Variants in ABHD12B observed in about 807,000 individuals in gnomAD.
ABHD12B encodes the protein protein ABHD12B.
A neutral mutation model predicts 50.4 loss-of-function variants in ABHD12B; 42 were observed. That is an observed-to-expected ratio of 0.83 (90% CI 0.65 to 1.08). The LOEUF (loss-of-function observed/expected upper bound fraction) is 1.08. Ranked by LOEUF, ABHD12B falls within the 50% of genes least tolerant of loss-of-function variation. The pLI, the probability that ABHD12B is intolerant of heterozygous loss-of-function variation, is 0.00. For synonymous variants in ABHD12B, 167 were observed against 160.3 expected (o/e 1.04, Z -0.32); for missense variants, 479 against 447.7 (o/e 1.07, Z -0.63).
Position 50,872,268 on chromosome 14 carries a change from CGCAACCTGCGGTGA to C in ABHD12B, c.96_104+5del. ...GGCCGCCTGGTGGGACATGGTCGACCGCAACCTGCGGTGAGTACCGCCCGGTCCACCCCTGGCCG... is the reference window on the plus strand; with the variant it reads ...GGCCGCCTGGTGGGACATGGTCGACCGTACCGCCCGGTCCACCCCTGGCCG... On this transcript the variant is annotated splice_donor_variant and splice_donor_region_variant and coding_sequence_variant and intron_variant, in exon 1 of 13. Transcript: ENST00000337334. LOFTEE classifies it high-confidence loss of function. 1 of 1,370,124 alleles carries C rather than the reference CGCAACCTGCGGTGA, an allele frequency of 7.3e-7. No homozygotes were observed. Among genetic ancestry groups the C allele is most frequent in the Non-Finnish European group, 9.4e-7 (1 of 1,058,910 alleles). The allele number at this position is 1,370,124 out of a possible 1,614,324, so 84.9% of individuals were successfully genotyped here. A position where few individuals can be genotyped will look rare whatever the true frequency, so the allele number is the denominator to read the frequency against.
intron 2 of ABHD12B, 124 bp downstream of exon 2, chr14:50,878,203 G>A (rs1466493827): frequency 4.7e-6 from 4 of 849,060 alleles, no homozygotes; most frequent in South Asian, 4.2e-5. Flanking sequence ...GACTGAAATG[G>A]TCTGAAACTT....
In ABHD12B at chr14:50,878,856, A is replaced by T. The variant is rs1368381051; in HGVS notation, c.335+9A>T. ...GTGATGCTAGGGATCTGGTGAGTGC[A>T]CGGATGGGACACCGGGTTGCTTGAT... is the stretch of plus-strand genomic sequence containing the variant. On this transcript the variant is annotated intron_variant, in intron 3 of 12. Transcript: ENST00000337334. The T allele has an allele frequency of 6.2e-7, 1 of 1,610,576 alleles. No homozygotes were observed.
intron 2 of ABHD12B, 27 bp downstream of exon 2, chr14:50,878,106 C>G (rs868241660): frequency 1.3e-6 from 2 of 1,491,062 alleles, no homozygotes; most frequent in Middle Eastern, 1.8e-4. Context: ...CATAAATTTT[C>G]CTATATAATT....
At chr14:50,900,065 C>T (rs907090334) in intron 9 of ABHD12B, among the ~76,000 whole-genome samples, 1 of 151,780 alleles carries the variant, frequency 6.6e-6, no homozygotes, top group African/African-American at 2.4e-5. Flanking sequence ...ATGGTGAAAC[C>T]CCTTCTGTAC....
intron 9 of ABHD12B, among the ~76,000 whole-genome samples, chr14:50,894,912 A>G (rs1202582742): frequency 6.7e-6 from 1 of 148,368 alleles, no homozygotes; most frequent in Non-Finnish European, 1.5e-5. Context: ...CCACCCTATA[A>G]TCTTTTTATC....
At chr14:50,890,565 T>C (rs1289224687) in intron 9 of ABHD12B, among the ~76,000 whole-genome samples, 2 of 152,230 alleles carry the variant, frequency 1.3e-5, no homozygotes, top group African/African-American at 4.8e-5. Context: ...AGTAAAATTA[T>C]ATAGAATATA....
At chr14:50,896,292 C>T (rs1239848375) in intron 9 of ABHD12B, among the ~76,000 whole-genome samples, 2 of 152,138 alleles carry the variant, frequency 1.3e-5, no homozygotes, top group African/African-American at 2.4e-5. Flanking sequence ...TGAGAAACAT[C>T]GCCCATTCTC....
intron 1 of ABHD12B, among the ~76,000 whole-genome samples, chr14:50,872,884 T>C (rs2142710270): frequency 6.6e-6 from 1 of 152,296 alleles, no homozygotes; most frequent in Non-Finnish European, 1.5e-5. Flanking sequence ...AATGTATCAG[T>C]GGGTGTTTCG....
At chr14:50,880,247 C>T (rs780076050) in intron 3 of ABHD12B, among the ~76,000 whole-genome samples, 4 of 151,954 alleles carry the variant, frequency 2.6e-5, no homozygotes, top group Non-Finnish European at 4.4e-5. Context: ...GGCATTGTCT[C>T]TGTGCATGGG....
chr14:50,899,428 G>C (rs1018552532), intron 9 of ABHD12B, among the ~76,000 whole-genome samples: 20 of 152,242 alleles, frequency 1.3e-4, no homozygotes, highest in Admixed American at 1.2e-3. Context: ...TTCATAGTAG[G>C]AGACTATTAA....
At chr14:50,879,694 G>T (rs1269782545) in intron 3 of ABHD12B, among the ~76,000 whole-genome samples, 2 of 152,222 alleles carry the variant, frequency 1.3e-5, no homozygotes, top group African/African-American at 4.8e-5. Context: ...TTGGAATTTA[G>T]AAATCTTTTT....
intron 7 of ABHD12B, among the ~76,000 whole-genome samples, chr14:50,886,205 A>G (rs1012272488): frequency 1.3e-5 from 2 of 152,176 alleles, no homozygotes; most frequent in Admixed American, 6.5e-5. Flanking sequence ...TGGGAGGCTG[A>G]GGTGGGCAGA....
rs138815028 is a variant in ABHD12B, at chr14:50,885,863, C to T, written c.630C>T (p.Pro210=). ...CCAAGGCAAGAAGTGGCATCACTCC[C>T]GTGTGTCTCTGGGGCCACTCTCTGG... ...EWTKARSGIT[P]VCLWGHSLGT... Residue 210 remains proline, a synonymous_variant, in exon 7 of 13, where the codon CCC becomes CCT. Transcript: ENST00000337334. 3.2e-5 allele frequency: 51 copies of T among 1,613,962 alleles called. No individual in the cohort carries two copies. The highest frequency in any genetic ancestry group is 6.7e-5 in the Admixed American group (4 of 59,994).
chr14:50,877,877 A>C lies in ABHD12B; in HGVS notation c.105-75A>C, dbSNP rs1239831426. 7.7e-6 allele frequency: 11 copies of C among 1,428,240 alleles called. No homozygotes were observed. In the Admixed American group the frequency reaches 2.2e-4, roughly 29 times the overall value. The allele number at this position is 1,428,240 out of a possible 1,614,324, so 88.5% of individuals were successfully genotyped here. A position where few individuals can be genotyped will look rare whatever the true frequency, so the allele number is the denominator to read the frequency against. On this transcript the variant is annotated intron_variant, in intron 1 of 12. Coordinates refer to ENST00000337334, the MANE Select transcript of ABHD12B (RefSeq NM_001206673.2). ...AGCAGAACTCTGTCCAAAAAAAAACAAAGAAAAAGAAAAAAACAAACCAAG... is the reference window on the plus strand; with the variant it reads ...AGCAGAACTCTGTCCAAAAAAAAACCAAGAAAAAGAAAAAAACAAACCAAG...
intron 4 of ABHD12B, 142 bp from the exon 5 acceptor site, chr14:50,881,454 T>G (rs577518265): frequency 1.0e-3 from 827 of 801,682 alleles, no homozygotes; most frequent in Non-Finnish European, 1.0e-3. Context: ...ACATTTCCCC[T>G]TCTCCTAGTT....
At chr14:50,891,277 C>T (rs1471069026) in intron 9 of ABHD12B, 1 of 151,212 alleles carries the variant, frequency 6.6e-6, no homozygotes. Context: ...GAGTCTGGCT[C>T]TGTCGTCCAG....
At chr14:50,873,926 C>A (rs894155526) in intron 1 of ABHD12B, among the ~76,000 whole-genome samples, 4 of 152,208 alleles carry the variant, frequency 2.6e-5, no homozygotes, top group African/African-American at 9.6e-5. Flanking sequence ...TCAAGAGACA[C>A]TTCCTGAAAG....
intron 8 of ABHD12B, among the ~76,000 whole-genome samples, chr14:50,887,608 G>T (rs1420289581): frequency 3.9e-5 from 6 of 152,046 alleles, no homozygotes; most frequent in Non-Finnish European, 8.8e-5. Context: ...CATGGCTTAT[G>T]GAAAATCATA....
intron 9 of ABHD12B, among the ~76,000 whole-genome samples, chr14:50,900,365 A>G (rs1441139309): frequency 6.6e-6 from 1 of 152,254 alleles, no homozygotes; most frequent in Non-Finnish European, 1.5e-5. Context: ...TCTTTAGCAA[A>G]TATTTATGAA....
Sources: gnomAD v4.1 joint callset for allele counts (sites outside exome capture counted in the v4.1 genomes callset) on GRCh38, gnomAD v4.1.1 for gene constraint, MANE v1.5 for transcripts, NCBI Gene and HGNC (gene_info 2026-07-23, HGNC 2026-07-21) for gene names.